KCNIP4: variants seen among roughly 807,000 people sequenced by gnomAD.
KCNIP4 encodes potassium voltage-gated channel interacting protein 4, also known as Kv channel-interacting protein 4.
In KCNIP4, 12 loss-of-function variants were observed where a neutral mutation model predicts 34.0. That is an observed-to-expected ratio of 0.35 (90% CI 0.23 to 0.57). KCNIP4 has a LOEUF of 0.57. Ranked by LOEUF, KCNIP4 falls within the 20% of genes least tolerant of loss-of-function variation. The pLI, the probability that KCNIP4 is intolerant of heterozygous loss-of-function variation, is 0.83. For synonymous variants in KCNIP4, 124 were observed against 102.2 expected (o/e 1.21, Z -1.29); for missense variants, 238 against 311.7 (o/e 0.76, Z 1.78).
chr4:20,838,509 C>T (rs528130671), intron 3 of KCNIP4, among the ~76,000 whole-genome samples: 1 of 152,240 alleles, frequency 6.6e-6, no homozygotes, highest in Non-Finnish European at 1.5e-5. Flanking sequence ...CCCATCTTCC[C>T]CTGTAGCTAG....
At chr4:21,234,116 T>A (rs1434294324) in intron 1 of KCNIP4, among the ~76,000 whole-genome samples, 7 of 97,968 alleles carry the variant, frequency 7.1e-5, no homozygotes, top group South Asian at 2.6e-4. Flanking sequence ...TAACGTATAT[T>A]ATATATAACA....
intron 1 of KCNIP4, among the ~76,000 whole-genome samples, chr4:21,236,643 T>C (rs1414956087): frequency 6.6e-6 from 1 of 152,068 alleles, no homozygotes; most frequent in Non-Finnish European, 1.5e-5. Context: ...AAATCAGAAA[T>C]TGACACAATT....
At chr4:21,015,593 G>A (rs1223331240) in intron 1 of KCNIP4, among the ~76,000 whole-genome samples, 1 of 117,576 alleles carries the variant, frequency 8.5e-6, no homozygotes, top group African/African-American at 3.6e-5. Flanking sequence ...ATATAATATA[G>A]TATATTGTAT....
chr4:21,217,391 T>C (rs1757666986), intron 1 of KCNIP4, among the ~76,000 whole-genome samples: 1 of 147,746 alleles, frequency 6.8e-6, no homozygotes, highest in Admixed American at 6.6e-5. Context: ...GGAGGAGACA[T>C]GTGGGCAAAG....
chr4:20,961,417 G>C (rs948418451), intron 1 of KCNIP4, among the ~76,000 whole-genome samples: 49 of 152,200 alleles, frequency 3.2e-4, no homozygotes, highest in African/African-American at 1.1e-3. Flanking sequence ...TTATGGTTTT[G>C]AGAAATGAAT....
chr4:21,645,420 T>C (rs891186204), intron 1 of KCNIP4, among the ~76,000 whole-genome samples: 1 of 152,188 alleles, frequency 6.6e-6, no homozygotes, highest in Non-Finnish European at 1.5e-5. Flanking sequence ...ATTTAAGAGA[T>C]AAACATCTGA....
chr4:20,779,587 C>CCCCA (rs1553894976), intron 3 of KCNIP4, among the ~76,000 whole-genome samples: 66 of 127,616 alleles, frequency 5.2e-4, no homozygotes, highest in African/African-American at 7.1e-4. Context: ...CCCCCCCCCC[C>CCCCA]CACACAAAAA....
intron 1 of KCNIP4, among the ~76,000 whole-genome samples, chr4:21,679,143 T>C (rs923538809): frequency 2.6e-5 from 4 of 152,124 alleles, no homozygotes; most frequent in African/African-American, 7.2e-5. Flanking sequence ...AGAAAACAAA[T>C]TTCTGTTGTT....
intron 1 of KCNIP4, among the ~76,000 whole-genome samples, chr4:21,909,501 T>C (rs1039906251): frequency 1.3e-5 from 2 of 152,114 alleles, no homozygotes; most frequent in African/African-American, 2.4e-5. Flanking sequence ...TGCTGCTTGT[T>C]TATTTCATAG....
intron 1 of KCNIP4, among the ~76,000 whole-genome samples, chr4:21,332,362 G>A (rs1715741576): frequency 1.3e-5 from 2 of 151,772 alleles, no homozygotes. Context: ...TATTTTTATG[G>A]TGATGACTCC....
intron 1 of KCNIP4, among the ~76,000 whole-genome samples, chr4:21,511,750 C>T (rs979305119): frequency 2.0e-5 from 3 of 152,152 alleles, no homozygotes; most frequent in Non-Finnish European, 4.4e-5. Flanking sequence ...TAAACTGTGG[C>T]TTTCAAAGCT....
chr4:20,902,012 G>A (rs146784668), intron 1 of KCNIP4, among the ~76,000 whole-genome samples: 2,265 of 152,188 alleles, frequency 0.015, 54 homozygotes, highest in African/African-American at 0.05. Context: ...GAATTCTGCG[G>A]TGGTACAAGG....
At chr4:21,114,896 C>T (rs768733064) in intron 1 of KCNIP4, among the ~76,000 whole-genome samples, 2 of 152,132 alleles carry the variant, frequency 1.3e-5, no homozygotes, top group Non-Finnish European at 2.9e-5. Context: ...GTCACTCCTC[C>T]ACTCAAGAAA....
At chr4:21,719,890 G>C (rs1490880727) in intron 1 of KCNIP4, among the ~76,000 whole-genome samples, 1 of 151,574 alleles carries the variant, frequency 6.6e-6, no homozygotes, top group East Asian at 1.9e-4. Flanking sequence ...TTGAACCTGG[G>C]AGGCAGAGGT....
intron 6 of KCNIP4, among the ~76,000 whole-genome samples, chr4:20,734,076 C>G (rs1473754622): frequency 4.6e-5 from 7 of 152,138 alleles, no homozygotes; most frequent in East Asian, 1.9e-4. Flanking sequence ...TGCAGCCTGT[C>G]CTGCGTGGTT....
At chr4:20,912,229 A>C (rs894130909) in intron 1 of KCNIP4, among the ~76,000 whole-genome samples, 5 of 152,182 alleles carry the variant, frequency 3.3e-5, no homozygotes, top group Non-Finnish European at 7.4e-5. Flanking sequence ...TATCCAGATT[A>C]AAAAGGAAGA....
At chr4:21,034,639 G>A (rs1041284692) in intron 1 of KCNIP4, among the ~76,000 whole-genome samples, 1 of 152,288 alleles carries the variant, frequency 6.6e-6, no homozygotes, top group South Asian at 2.1e-4. Flanking sequence ...GATGGTTTCT[G>A]TCAGTCACCA....
At chr4:20,845,376 T>C (rs1045731407) in intron 3 of KCNIP4, among the ~76,000 whole-genome samples, 2 of 152,194 alleles carry the variant, frequency 1.3e-5, no homozygotes, top group Non-Finnish European at 2.9e-5. Context: ...CTGTGCTCTA[T>C]GACCCCTCCC....
chr4:21,609,307 T>C (rs1159468678), intron 1 of KCNIP4, among the ~76,000 whole-genome samples: 3 of 152,202 alleles, frequency 2.0e-5, no homozygotes, highest in Non-Finnish European at 4.4e-5. Context: ...ATATTATGTA[T>C]TGGTCAACCA....
Sources: gnomAD v4.1 joint callset for allele counts (sites outside exome capture counted in the v4.1 genomes callset) on GRCh38, gnomAD v4.1.1 for gene constraint, MANE v1.5 for transcripts, NCBI Gene and HGNC (gene_info 2026-07-23, HGNC 2026-07-21) for gene names.